The following RASEF variants were observed in gnomAD, a reference collection of about 807,000 sequenced individuals.
RASEF encodes the protein ras and EF-hand domain-containing protein.
Under a neutral mutation model 90.1 loss-of-function variants are expected in RASEF, and 68 were observed. The ratio of observed to expected loss-of-function variants is 0.75; its 90% confidence interval spans 0.62 to 0.92. The LOEUF is 0.92. Among genes scored for constraint, RASEF ranks in the 40% least tolerant of loss-of-function variants. The pLI, the probability that RASEF is intolerant of heterozygous loss-of-function variation, is 0.00. For synonymous variants in RASEF, 331 were observed against 345.2 expected, an observed-to-expected ratio of 0.96 and a Z score of 0.46; for missense variants, 949 against 937.2, an observed-to-expected ratio of 1.01 and a Z score of -0.16.
At chr9:83,095,827 ATAAC>A in the RASEF span, among the ~76,000 whole-genome samples, 1 of 152,140 alleles carries the variant, frequency 6.6e-6, no homozygotes, top group Admixed American at 6.5e-5. Flanking sequence ...AATGAAATGA[ATAAC>A]TAATTCATGA....
chr9:83,099,946 T>G, the RASEF span, among the ~76,000 whole-genome samples: 3 of 152,348 alleles, frequency 2.0e-5, 1 homozygote, highest in Middle Eastern at 0.01. Flanking sequence ...GCAAATAATT[T>G]AAGCAATAGC....
At chr9:83,014,165 A>G (rs984682042) in intron 4 of RASEF, among the ~76,000 whole-genome samples, 1 of 152,238 alleles carries the variant, frequency 6.6e-6, no homozygotes, top group African/African-American at 2.4e-5. Context: ...CATAGTATGC[A>G]TGGCCTAATA....
At chr9:83,061,248 T>C (rs1454895655) in intron 1 of RASEF, among the ~76,000 whole-genome samples, 3 of 152,212 alleles carry the variant, frequency 2.0e-5, no homozygotes, top group Admixed American at 6.5e-5. Context: ...AACCCTTCTA[T>C]GGCAGTGAGT....
chr9:83,129,948 C>T, the RASEF span, among the ~76,000 whole-genome samples: 154 of 152,316 alleles, frequency 1.0e-3, no homozygotes, highest in Middle Eastern at 0.01. Flanking sequence ...TGACTGGAAA[C>T]TCTGCAGTAT....
At chr9:83,127,675 G>A in the RASEF span, among the ~76,000 whole-genome samples, 1 of 152,106 alleles carries the variant, frequency 6.6e-6, no homozygotes, top group South Asian at 2.1e-4. Flanking sequence ...CCACAGATGG[G>A]GTTAGTTACA....
Position 83,000,178 on chromosome 9 carries a change from C to G in RASEF, c.1714G>C (p.Ala572Pro). ...GAAATACGAGCCATACCCAGGGTGG[C>G]GCTTATATTTTCTCGAAATTCATTC... Reference protein sequence around the residue: ...CKNEFRENISATLGVDFQMKT... With the variant: ...CKNEFRENISPTLGVDFQMKT... Residue 572 changes from alanine to proline, a missense_variant, in exon 12 of 17, where the codon GCC becomes CCC. Coordinates refer to ENST00000376447, the MANE Select transcript of RASEF (RefSeq NM_152573.4). The G allele has an allele frequency of 6.2e-7, 1 of 1,613,452 alleles. No individual in the cohort carries two copies. Among genetic ancestry groups the G allele is most frequent in the Non-Finnish European group, 8.5e-7 (1 of 1,179,826 alleles).
At position 83,001,142 on chromosome 9, in the gene RASEF, G is replaced by C; in HGVS notation, c.1203-12C>G. 1 of 1,593,176 alleles carries C rather than the reference G, an allele frequency of 6.3e-7. No individual in the cohort carries two copies. The highest frequency in any genetic ancestry group is 8.6e-7 in the Non-Finnish European group (1 of 1,161,898). On this transcript the variant is annotated splice_polypyrimidine_tract_variant and intron_variant, in intron 9 of 16. Coordinates refer to ENST00000376447, the MANE Select transcript of RASEF (RefSeq NM_152573.4). ...AAGAGCGGGATGACCTGGTAATAAA[G>C]GGGAAGACCAATTTACCTGAGGGCT...
At chr9:83,133,515 C>T in the RASEF span, among the ~76,000 whole-genome samples, 3 of 142,622 alleles carry the variant, frequency 2.1e-5, no homozygotes, top group Admixed American at 6.7e-5. Context: ...TATATGAATA[C>T]GTCGAATGAT....
chr9:82,989,229 CGTGT>C (rs56871037), intron 16 of RASEF, among the ~76,000 whole-genome samples: 14 of 151,286 alleles, frequency 9.3e-5, no homozygotes, highest in Non-Finnish European at 1.6e-4. Flanking sequence ...TGCATGTGTG[CGTGT>C]GTGTGTGTGT....
chr9:83,030,902 T>C (rs1334428865), intron 1 of RASEF, among the ~76,000 whole-genome samples: 3 of 152,214 alleles, frequency 2.0e-5, no homozygotes, highest in Admixed American at 1.3e-4. Flanking sequence ...CTTCTCCTTC[T>C]TTCTCCCTTT....
At chr9:83,108,834 T>C in the RASEF span, among the ~76,000 whole-genome samples, 1 of 152,164 alleles carries the variant, frequency 6.6e-6, no homozygotes, top group African/African-American at 2.4e-5. Flanking sequence ...GTTATCCTGA[T>C]CACAATATCT....
chr9:83,097,620 A>C, the RASEF span, among the ~76,000 whole-genome samples: 1 of 152,248 alleles, frequency 6.6e-6, no homozygotes, highest in African/African-American at 2.4e-5. Flanking sequence ...TCAAAAGAAG[A>C]CATTTATGCA....
chr9:83,209,313 C>T, the RASEF span, among the ~76,000 whole-genome samples: 1 of 152,240 alleles, frequency 6.6e-6, no homozygotes, highest in Non-Finnish European at 1.5e-5. Flanking sequence ...CAGTAAGTTA[C>T]ACACTTGGCT....
At position 83,005,431 on chromosome 9, in the gene RASEF, C is replaced by CT. The variant is rs778698805; in HGVS notation, c.1097dup (p.Phe367ValfsTer9). On this transcript the variant is annotated frameshift_variant, in exon 8 of 17. Coordinates refer to ENST00000376447, the MANE Select transcript of RASEF (RefSeq NM_152573.4). LOFTEE classifies it high-confidence loss of function. ...TGTGGCATACCAAAGATCTGTTGAA[C>CT]TTGCTATAACTGTTTTCAAGGGCAC... The CT allele has an allele frequency of 1.3e-4, 215 of 1,612,180 alleles. No individual in the cohort carries two copies. Among genetic ancestry groups the CT allele is most frequent in the Admixed American group, 1.3e-4 (8 of 59,996 alleles).
chr9:83,189,446 C>T, the RASEF span, among the ~76,000 whole-genome samples: 2 of 152,140 alleles, frequency 1.3e-5, no homozygotes, highest in Non-Finnish European at 2.9e-5. Flanking sequence ...AGCTTTCTTG[C>T]CCCTCCCAGA....
At chr9:83,052,977 T>C (rs1270826315) in intron 1 of RASEF, among the ~76,000 whole-genome samples, 1 of 137,076 alleles carries the variant, frequency 7.3e-6, no homozygotes. Flanking sequence ...TGTGGTCAAT[T>C]TTGGAATAGG....
At chr9:83,001,630 C>T (rs1829042850) in intron 9 of RASEF, among the ~76,000 whole-genome samples, 2 of 152,136 alleles carry the variant, frequency 1.3e-5, no homozygotes. Context: ...ATTCAGTGTA[C>T]TCAACTTAAC....
At chr9:83,002,137 C>T (rs912262638) in intron 9 of RASEF, among the ~76,000 whole-genome samples, 2 of 152,166 alleles carry the variant, frequency 1.3e-5, no homozygotes, top group Non-Finnish European at 2.9e-5. Flanking sequence ...CTGGGCACCA[C>T]CCTACCAATT....
the RASEF span, among the ~76,000 whole-genome samples, chr9:83,126,174 C>T: frequency 6.6e-6 from 1 of 152,084 alleles, no homozygotes; most frequent in South Asian, 2.1e-4. Flanking sequence ...TTATGTTGAA[C>T]CCTAACCCCA....
Sources: allele counts gnomAD v4.1 joint callset (sites outside exome capture counted in the v4.1 genomes callset), GRCh38; gene constraint gnomAD v4.1.1; transcripts MANE v1.5; gene names NCBI Gene and HGNC (gene_info 2026-07-23, HGNC 2026-07-21).